The following RPL28 variants were observed in gnomAD, a reference collection of about 807,000 sequenced individuals.
RPL28 encodes ribosomal protein L28, also known as large ribosomal subunit protein eL28.
In RPL28, 4 loss-of-function variants were observed where a neutral mutation model predicts 12.5. That is an observed-to-expected ratio of 0.32 (90% CI 0.16 to 0.73). The LOEUF (loss-of-function observed/expected upper bound fraction) is 0.73. Ranked by LOEUF, RPL28 falls within the 30% of genes least tolerant of loss-of-function variation. The pLI is 0.66. For synonymous variants in RPL28, 91 were observed against 72.5 expected, an observed-to-expected ratio of 1.26 and a Z score of -1.30; for missense variants, 214 against 197.7, an observed-to-expected ratio of 1.08 and a Z score of -0.49.
At chr19:55,399,622 T>C (rs1278928645) in intron 4 of RPL28, 3 of 152,136 alleles carry the variant, frequency 2.0e-5, no homozygotes, top group Admixed American at 2.0e-4. Flanking sequence ...GTCTTGGTAT[T>C]TCTAGTGACC....
Position 55,388,006 on chromosome 19 carries a change from A to G in RPL28, c.282A>G (p.Arg94=), listed in dbSNP as rs986007648. 2.5e-6 allele frequency: 4 copies of G among 1,613,388 alleles called. No individual in the cohort carries two copies. In the African/African-American group the frequency reaches 5.3e-5, roughly 22 times the overall value. ...KNARATLSSI[R]HMIRKNKYRP... Reference sequence around the variant, plus strand: ...CTCGCGCCACGCTCAGCAGCATCAGACACATGATCCGCAAGAACAAGTACC... The same window carrying G: ...CTCGCGCCACGCTCAGCAGCATCAGGCACATGATCCGCAAGAACAAGTACC... The change falls in exon 4 of 5, where the codon AGA becomes AGG. Residue 94 remains arginine, a synonymous_variant. Transcript: ENST00000344063.
intron 3 of RPL28, chr19:55,387,306 T>C (rs1376414353): frequency 4.5e-6 from 7 of 1,551,576 alleles, no homozygotes; most frequent in Non-Finnish European, 2.6e-6. Context: ...CTCAGGTCCT[T>C]GATTGGAACT....
Position 55,390,211 on chromosome 19 carries a change from A to T in RPL28, c.*1879A>T, listed in dbSNP as rs899364961. 2.5e-5 allele frequency: 25 copies of T among 985,364 alleles called. No individual in the cohort carries two copies. The highest frequency in any genetic ancestry group is 2.9e-5 in the Non-Finnish European group (24 of 829,882). The allele number at this position is 985,364 out of a possible 1,614,324, so 61.0% of individuals were successfully genotyped here. On this transcript the variant is annotated 3_prime_UTR_variant, in exon 5 of 5. Coordinates refer to ENST00000344063, the MANE Select transcript of RPL28 (RefSeq NM_000991.5). The stretch of plus-strand genomic sequence containing the variant: ...CCGGTCCTGAGAGTTTGCTCACTGG[A>T]GACTTTCTGGAGATGGAGTCTCGCT...
At chr19:55,401,275 A>G in intron 4 of RPL28, 1 of 871,968 alleles carries the variant, frequency 1.1e-6, no homozygotes, top group Non-Finnish European at 1.7e-6. Context: ...TCTGTGAGAC[A>G]CAGAAGCTGC....
chr19:55,389,768 G>C lies in RPL28; in HGVS notation c.*1436G>C, dbSNP rs1257815619. The C allele has an allele frequency of 3.0e-6, 3 of 985,450 alleles. No homozygotes were observed. The African/African-American group carries it at 5.2e-5, about 17-fold the overall frequency. 61.0% of individuals were successfully genotyped at this position (985,450 alleles called of 1,614,324 possible). On this transcript the variant is annotated 3_prime_UTR_variant, in exon 5 of 5. Coordinates refer to ENST00000344063, the MANE Select transcript of RPL28 (RefSeq NM_000991.5). ...AGTTGGGTCTATTAGCTCAGATTGA[G>C]AGGTGTTGCCTTAAAACTGAGTTGG...
At chr19:55,402,474 C>T (rs2090067240) in intron 4 of RPL28, among the ~76,000 whole-genome samples, 1 of 152,202 alleles carries the variant, frequency 6.6e-6, no homozygotes, top group Non-Finnish European at 1.5e-5. Context: ...GAGGTGTGAC[C>T]TGCAGCCAGG....
chr19:55,395,690 A>ACG (rs1569045197), downstream of RPL28, among the ~76,000 whole-genome samples: 2 of 150,518 alleles, frequency 1.3e-5, no homozygotes, highest in Non-Finnish European at 3.0e-5. Flanking sequence ...TGATCTGCCC[A>ACG]CCTTGGCCTC....
chr19:55,394,974 A>G (rs1488341941), downstream of RPL28, among the ~76,000 whole-genome samples: 1 of 152,208 alleles, frequency 6.6e-6, no homozygotes, highest in African/African-American at 2.4e-5. Flanking sequence ...TTCCTGTTAA[A>G]TATTTTTAAA....
chr19:55,389,610 G>T lies in RPL28; in HGVS notation c.*1278G>T. On this transcript the variant is annotated 3_prime_UTR_variant, in exon 5 of 5. Transcript: ENST00000344063. ...GGTCGTACGGGGCTGGGAGCCCTGC[G>T]TTTTGAGGCAGACCACTGCCCTTCC... is the stretch of plus-strand genomic sequence containing the variant. 30 of 985,508 alleles carry T rather than the reference G, an allele frequency of 3.0e-5. No individual in the cohort carries two copies. The highest frequency in any genetic ancestry group is 3.6e-5 in the Non-Finnish European group (30 of 829,982). 61.0% of individuals were successfully genotyped at this position (985,508 alleles called of 1,614,324 possible).
Position 55,388,012 on chromosome 19 carries a change from G to A in RPL28, c.288G>A (p.Met96Ile), listed in dbSNP as rs142144278. 1.6e-5 allele frequency: 26 copies of A among 1,613,484 alleles called. No homozygotes were observed. The African/African-American group carries it at 3.5e-4, about 22-fold the overall frequency. ...CCACGCTCAGCAGCATCAGACACAT[G>A]ATCCGCAAGAACAAGTACCGCCCCG... The part of the protein sequence containing the change: ...ARATLSSIRH[M>I]IRKNKYRPDL... Residue 96 changes from methionine (M) to isoleucine (I), a missense_variant, in exon 4 of 5, where the codon ATG (methionine) becomes ATA (isoleucine). Coordinates refer to ENST00000344063, the MANE Select transcript of RPL28 (RefSeq NM_000991.5).
chr19:55,396,794 A>C (rs182631758), downstream of RPL28, among the ~76,000 whole-genome samples: 1,117 of 149,180 alleles, frequency 7.5e-3, 5 homozygotes, highest in Non-Finnish European at 0.012. Context: ...GTTAGCCAGG[A>C]TGTTCTCGAT....
intron 4 of RPL28, among the ~76,000 whole-genome samples, chr19:55,398,189 C>G (rs566113081): frequency 6.6e-6 from 1 of 151,110 alleles, no homozygotes; most frequent in South Asian, 2.1e-4. Context: ...CAGCGAAACT[C>G]TGTCTCAAAA....
intron 4 of RPL28, chr19:55,400,330 T>C (rs1337856109): frequency 6.6e-6 from 1 of 152,210 alleles, no homozygotes. Context: ...TTTTAATTTT[T>C]TTAAAATTAA....
chr19:55,387,674 T>C lies in RPL28; in HGVS notation c.206-256T>C, dbSNP rs1011347172. ...TAACTGAAGCGGCAGCTTTCTGGCATGAGAAAGGAGTGTTTTCATGGTGGA... is the reference window on the plus strand; with the variant it reads ...TAACTGAAGCGGCAGCTTTCTGGCACGAGAAAGGAGTGTTTTCATGGTGGA... On this transcript the variant is annotated intron_variant, in intron 3 of 4. Transcript: ENST00000344063. 3 of 1,387,220 alleles carry C rather than the reference T, an allele frequency of 2.2e-6. No homozygotes were observed. In the African/African-American group the frequency reaches 4.4e-5, roughly 20 times the overall value. 85.9% of individuals were successfully genotyped at this position (1,387,220 alleles called of 1,614,324 possible).
In RPL28 at chr19:55,390,483, G is replaced by A; in HGVS notation, c.*2151G>A. The stretch of plus-strand genomic sequence containing the variant: ...GCCTCCCAAAGTGCTGGCATTACAG[G>A]CGCTCGAGGCTTTCTGATGTGGCTG... On this transcript the variant is annotated 3_prime_UTR_variant, in exon 5 of 5. Transcript: ENST00000344063. 1.0e-6 allele frequency: 1 copy of A among 985,464 alleles called. No homozygotes were observed. Among genetic ancestry groups the A allele is most frequent in the Non-Finnish European group, 1.2e-6 (1 of 829,972 alleles). 61.0% of individuals were successfully genotyped at this position (985,464 alleles called of 1,614,324 possible).
In RPL28 at chr19:55,388,365, G is replaced by GCTTTCTCACCTGC. The variant is rs1266431023; in HGVS notation, c.*36_*48dup. On this transcript the variant is annotated 3_prime_UTR_variant, in exon 5 of 5. Coordinates refer to ENST00000344063, the MANE Select transcript of RPL28 (RefSeq NM_000991.5). The stretch of plus-strand genomic sequence containing the variant: ...GCCCCCAGAGCAATAAAGTCAGCTG[G>GCTTTCTCACCTGC]CTTTCTCACCTGCCTCGACTGGGCC... 1 of 1,457,408 alleles carries GCTTTCTCACCTGC rather than the reference G, an allele frequency of 6.9e-7. No homozygotes were observed. Among genetic ancestry groups the GCTTTCTCACCTGC allele is most frequent in the Non-Finnish European group, 9.1e-7 (1 of 1,103,682 alleles). The allele number at this position is 1,457,408 out of a possible 1,614,324, so 90.3% of individuals were successfully genotyped here. A position where few individuals can be genotyped will look rare whatever the true frequency, so the allele number is the denominator to read the frequency against.
intron 4 of RPL28, chr19:55,401,242 C>T (rs987533491): frequency 2.9e-6 from 2 of 678,510 alleles, no homozygotes; most frequent in Non-Finnish European, 4.9e-6. Context: ...AGCCACATGG[C>T]ACCATGCAGC....
chr19:55,395,240 G>A (rs1336434062), downstream of RPL28, among the ~76,000 whole-genome samples: 4 of 152,044 alleles, frequency 2.6e-5, no homozygotes, highest in African/African-American at 4.8e-5. Flanking sequence ...GGGTTCAAGC[G>A]ATTCTTCTGC....
rs774761364 is a variant in RPL28, at chr19:55,386,621, C to G, written c.133C>G (p.His45Asp). ...RNSFRYNGLI[H>D]RKTVGVEPAA... ...TTCCTTCCGCTACAACGGACTGATT[C>G]ACCGCAAGACTGTGGGCGTGGAGCC... The change falls in exon 3 of 5, where the codon CAC (histidine) becomes GAC (aspartate). Residue 45 changes from histidine to aspartate, a missense_variant. Coordinates refer to ENST00000344063, the MANE Select transcript of RPL28 (RefSeq NM_000991.5). 4 of 1,613,730 alleles carry G rather than the reference C, an allele frequency of 2.5e-6. No homozygotes were observed. The highest frequency in any genetic ancestry group is 4.5e-5 in the East Asian group (2 of 44,888).
Sources: allele counts gnomAD v4.1 joint callset (sites outside exome capture counted in the v4.1 genomes callset), GRCh38; gene constraint gnomAD v4.1.1; transcripts MANE v1.5; gene names NCBI Gene and HGNC (gene_info 2026-07-23, HGNC 2026-07-21).